The following SDC3 variants were observed in gnomAD, a reference collection of about 807,000 sequenced individuals.
SDC3 encodes the protein syndecan-3.
In SDC3, 13 loss-of-function variants were observed where a neutral mutation model predicts 24.4. That is an observed-to-expected ratio of 0.53 (90% CI 0.35 to 0.85). The LOEUF (loss-of-function observed/expected upper bound fraction) is 0.85. Ranked by LOEUF, SDC3 falls within the 40% of genes least tolerant of loss-of-function variation. The probability of loss-of-function intolerance (pLI) is 0.01; values close to 1 mark genes in which losing one functional copy is unlikely to be tolerated. For synonymous variants in SDC3, 295 were observed against 260.9 expected, an observed-to-expected ratio of 1.13 and a Z score of -1.26; for missense variants, 571 against 584.5, an observed-to-expected ratio of 0.98 and a Z score of 0.24.
In SDC3 at chr1:30,877,106, C is replaced by T. The variant is rs1242344412; in HGVS notation, c.316G>A (p.Ala106Thr). The T allele has an allele frequency of 1.2e-6, 2 of 1,613,900 alleles. No individual in the cohort carries two copies. The highest frequency in any genetic ancestry group is 3.3e-5 in the Admixed American group (2 of 59,986). Residue 106 changes from alanine (A) to threonine (T), a missense_variant, in exon 3 of 5, where the codon GCG (alanine) becomes ACG (threonine). By Grantham distance (58) the Ala-to-Thr change is moderately conservative. Coordinates refer to ENST00000339394, the MANE Select transcript of SDC3 (RefSeq NM_014654.4). ...AGCACCGCAGGTGTGGTGGACACCG[C>T]CAGGGCTACATCTGGGCTGAAGCGC... is the stretch of plus-strand genomic sequence containing the variant. ...AMRFSPDVAL[A>T]VSTTPAVLPT...
intron 4 of SDC3, 152 bp from the exon 5 acceptor site, chr1:30,873,529 T>G: frequency 1.6e-6 from 1 of 610,170 alleles, no homozygotes; most frequent in South Asian, 2.0e-5. Flanking sequence ...CTACCAGCAC[T>G]GGGTACCATC....
rs1570038499 is a variant in SDC3, at chr1:30,908,532, C to T, written c.55G>A (p.Ala19Thr). The T allele has an allele frequency of 3.2e-6, 3 of 935,304 alleles. No individual in the cohort carries two copies. The highest frequency in any genetic ancestry group is 1.3e-4 in the Admixed American group (2 of 15,198). 57.9% of individuals were successfully genotyped at this position (935,304 alleles called of 1,614,324 possible). ...AGAAHGAGAGAGAAAGPGARG... is the reference protein window; with the variant it reads ...AGAAHGAGAGTGAAAGPGARG... ...GCCCCGGGCCCGGCCGCGGCCCCGG[C>T]CCCGGCGCCGGCCCCGTGGGCGGCC... Residue 19 changes from alanine to threonine, a missense_variant, in exon 1 of 5, where the codon GCC becomes ACC. Physicochemically the swap from Ala to Thr is moderately conservative, Grantham distance 58. Coordinates refer to ENST00000339394, the MANE Select transcript of SDC3 (RefSeq NM_014654.4).
intron 1 of SDC3, among the ~76,000 whole-genome samples, chr1:30,896,029 G>T (rs1280932210): frequency 6.6e-6 from 1 of 152,064 alleles, no homozygotes. Flanking sequence ...ACCTCTCCCC[G>T]CCTGCACCTC....
At chr1:30,896,620 A>G (rs1640000840) in intron 1 of SDC3, among the ~76,000 whole-genome samples, 1 of 152,168 alleles carries the variant, frequency 6.6e-6, no homozygotes, top group Admixed American at 6.5e-5. Context: ...GGCATGAAGG[A>G]AAAAGAGACA....
intron 1 of SDC3, among the ~76,000 whole-genome samples, chr1:30,890,811 T>C (rs1425165771): frequency 6.6e-6 from 1 of 152,136 alleles, no homozygotes; most frequent in East Asian, 1.9e-4. Flanking sequence ...GCTCACCTCC[T>C]CTCCCATTTG....
intron 1 of SDC3, among the ~76,000 whole-genome samples, chr1:30,901,743 C>A (rs1638417698): frequency 6.6e-6 from 1 of 152,056 alleles, no homozygotes; most frequent in African/African-American, 2.4e-5. Flanking sequence ...CTCCTCACCC[C>A]CAAGCAGTAG....
intron 1 of SDC3, among the ~76,000 whole-genome samples, chr1:30,884,924 T>C (rs1204317273): frequency 6.6e-6 from 1 of 150,600 alleles, no homozygotes; most frequent in Non-Finnish European, 1.5e-5. Flanking sequence ...CTATCAACAA[T>C]TGAGTTCTCA....
At chr1:30,905,960 GACACAC>G (rs140209147) in intron 1 of SDC3, among the ~76,000 whole-genome samples, 34 of 147,586 alleles carry the variant, frequency 2.3e-4, no homozygotes, top group East Asian at 1.8e-3. Context: ...AAGACACGAA[GACACAC>G]ACACACACAC....
chr1:30,905,356 A>AACACACAC (rs74721441), intron 1 of SDC3, among the ~76,000 whole-genome samples: 4,040 of 77,212 alleles, frequency 0.052, 118 homozygotes, highest in African/African-American at 0.08. Context: ...CTCTCTCACA[A>AACACACAC]ACACACACAC....
chr1:30,906,910 G>T (rs1029028631), intron 1 of SDC3, among the ~76,000 whole-genome samples: 1 of 152,168 alleles, frequency 6.6e-6, no homozygotes, highest in African/African-American at 2.4e-5. Context: ...CCCCACTTAG[G>T]GGAGAGCTGG....
At position 30,878,639 on chromosome 1, in the gene SDC3, C is replaced by T. The variant is rs759718765; in HGVS notation, c.240G>A (p.Ser80=). The T allele has an allele frequency of 5.6e-6, 9 of 1,613,922 alleles. No individual in the cohort carries two copies. The highest frequency in any genetic ancestry group is 5.5e-5 in the South Asian group (5 of 91,082). ...GGTACTTACAGCCCGAGCCCGACCC[C>T]GAGTAGAGGTCATCCAGTTCATCAT... ...FPDDELDDLY[S]GSGSGYFEQE... is the part of the protein sequence containing the mutation. Residue 80 remains serine, a synonymous_variant, in exon 2 of 5, where the codon TCG becomes TCA. Transcript: ENST00000339394.
At chr1:30,902,819 C>G (rs1638442180) in intron 1 of SDC3, among the ~76,000 whole-genome samples, 1 of 152,248 alleles carries the variant, frequency 6.6e-6, no homozygotes, top group Non-Finnish European at 1.5e-5. Flanking sequence ...GGGCACATGC[C>G]TTGCATGCAG....
chr1:30,878,548 G>A (rs765298675), intron 2 of SDC3, 75 bp downstream of exon 2: 220 of 1,238,938 alleles, frequency 1.8e-4, no homozygotes, highest in Middle Eastern at 1.3e-3. Flanking sequence ...CAAGCCCCCC[G>A]TGGGCTTCTC....
At chr1:30,886,442 T>G (rs545453756) in intron 1 of SDC3, among the ~76,000 whole-genome samples, 1 of 152,202 alleles carries the variant, frequency 6.6e-6, no homozygotes, top group Non-Finnish European at 1.5e-5. Context: ...CTCCACTGTG[T>G]TGTCATTTAC....
At chr1:30,879,709 G>T (rs960250267) in intron 1 of SDC3, among the ~76,000 whole-genome samples, 3 of 152,204 alleles carry the variant, frequency 2.0e-5, no homozygotes, top group Non-Finnish European at 2.9e-5. Flanking sequence ...TTCCCAGTAG[G>T]CTGGGCAGTG....
chr1:30,878,761 C>G lies in SDC3; in HGVS notation c.139-21G>C, dbSNP rs116499834. 2,242 of 1,608,422 alleles carry G rather than the reference C, an allele frequency of 1.4e-3. 27 individuals carry two copies. In the African/African-American group the frequency reaches 0.026, roughly 19 times the overall value. Reference sequence around the variant, plus strand: ...TGGGCCTAGGGAAGGTAGAGGTGGACACAGGGCTCGGCACCCGAGACTGGC... The same window carrying G: ...TGGGCCTAGGGAAGGTAGAGGTGGAGACAGGGCTCGGCACCCGAGACTGGC... On this transcript the variant is annotated intron_variant, in intron 1 of 4. Coordinates refer to ENST00000339394, the MANE Select transcript of SDC3 (RefSeq NM_014654.4).
chr1:30,901,975 C>T (rs1372301369), intron 1 of SDC3, among the ~76,000 whole-genome samples: 1 of 152,216 alleles, frequency 6.6e-6, no homozygotes, highest in African/African-American at 2.4e-5. Flanking sequence ...CAAGGTCACA[C>T]AGCAGGAATG....
At chr1:30,896,895 G>A (rs761514056) in intron 1 of SDC3, among the ~76,000 whole-genome samples, 7 of 152,166 alleles carry the variant, frequency 4.6e-5, no homozygotes, top group East Asian at 1.9e-4. Context: ...CCCGGGAAGC[G>A]GAGGTTGCAG....
chr1:30,898,256 T>C (rs144069703), intron 1 of SDC3, among the ~76,000 whole-genome samples: 1 of 152,116 alleles, frequency 6.6e-6, no homozygotes, highest in East Asian at 1.9e-4. Context: ...CTTCCCCACT[T>C]CTCAGACTTT....
Sources: gnomAD v4.1 joint callset for allele counts (sites outside exome capture counted in the v4.1 genomes callset) on GRCh38, gnomAD v4.1.1 for gene constraint, MANE v1.5 for transcripts, NCBI Gene and HGNC (gene_info 2026-07-23, HGNC 2026-07-21) for gene names.